GSE1: variants seen among roughly 807,000 people sequenced by gnomAD.
GSE1 encodes the protein Gse1 coiled-coil protein, also known as genetic suppressor element 1.
GSE1 carries 32 observed loss-of-function variants against 112.6 expected under a neutral mutation model. The observed-to-expected ratio is 0.28, with a 90% confidence interval of 0.21 to 0.38. GSE1 has a LOEUF of 0.38. Ranked by LOEUF, GSE1 falls within the 10% of genes least tolerant of loss-of-function variation. The pLI is 1.00. For missense variants in GSE1, 2,348 were observed against 1,699.2 expected (o/e 1.38, Z -6.71); for synonymous variants, 1,115 against 735.6 (o/e 1.52, Z -8.35).
chr16:85,574,669 C>T (rs1009921381), intron 1 of GSE1, among the ~76,000 whole-genome samples: 1 of 152,260 alleles, frequency 6.6e-6, no homozygotes, highest in African/African-American at 2.4e-5. Context: ...CCCAAGAAGG[C>T]GCTGGTGTGG....
intron 14 of GSE1, chr16:85,670,508 C>G (rs2053243771): frequency 6.6e-6 from 1 of 152,044 alleles, no homozygotes; most frequent in Admixed American, 6.6e-5. Context: ...GAGCACTTTC[C>G]CTGTTTTTCA....
intron 1 of GSE1, among the ~76,000 whole-genome samples, chr16:85,277,682 T>C (rs9936832): frequency 0.87 from 133,018 of 152,224 alleles, 59,111 homozygotes; most frequent in Middle Eastern, 0.97. Flanking sequence ...GGGTATGTGG[T>C]GGTCTGCTGG....
intron 2 of GSE1, among the ~76,000 whole-genome samples, chr16:85,424,944 TC>T (rs1262756035): frequency 2.6e-5 from 4 of 152,250 alleles, no homozygotes; most frequent in East Asian, 1.9e-4. Flanking sequence ...TGTCAGGGCC[TC>T]TTCGGGTTGC....
chr16:85,581,617 T>C (rs191063009), intron 1 of GSE1, among the ~76,000 whole-genome samples: 47 of 152,286 alleles, frequency 3.1e-4, no homozygotes, highest in Admixed American at 2.0e-3. Flanking sequence ...TCTCTGTGCA[T>C]GCGCATGTGC....
intron 1 of GSE1, among the ~76,000 whole-genome samples, chr16:85,268,486 G>T (rs999910150): frequency 2.0e-5 from 3 of 152,182 alleles, no homozygotes; most frequent in Non-Finnish European, 4.4e-5. Context: ...TTCTATGAGT[G>T]GGGAGGGGGG....
upstream of GSE1, among the ~76,000 whole-genome samples, chr16:85,552,794 C>A (rs1344053977): frequency 2.6e-5 from 4 of 152,220 alleles, no homozygotes; most frequent in African/African-American, 9.6e-5. Context: ...AGGGGGGCAC[C>A]CAGCAGATTG....
chr16:85,355,257 A>G (rs905107725), intron 1 of GSE1, among the ~76,000 whole-genome samples: 4 of 152,266 alleles, frequency 2.6e-5, no homozygotes, highest in African/African-American at 9.6e-5. Flanking sequence ...ATCAACAGAA[A>G]GTTGCTTTTC....
At chr16:85,333,945 C>T (rs369902588) in intron 1 of GSE1, among the ~76,000 whole-genome samples, 2 of 152,190 alleles carry the variant, frequency 1.3e-5, no homozygotes, top group East Asian at 1.9e-4. Context: ...TGCTGAGCTA[C>T]GCCTTTGGCC....
chr16:85,564,374 A>G (rs2045649722), intron 1 of GSE1, among the ~76,000 whole-genome samples: 1 of 152,178 alleles, frequency 6.6e-6, no homozygotes, highest in South Asian at 2.1e-4. Context: ...ATCCCTGCCC[A>G]CGTTGTGGTG....
rs1373226351 is a variant in GSE1, at chr16:85,171,298, A to G, written c.1774A>G (p.Ile592Val). Reference sequence around the variant, plus strand: ...GTCGGCCCAGGGCGGCCCCGTGTCCATCTGCTACATCTGTGGGGCTGAGCT... The same window carrying G: ...GTCGGCCCAGGGCGGCCCCGTGTCCGTCTGCTACATCTGTGGGGCTGAGCT... Residue 592 changes from isoleucine (I) to valine (V), a missense_variant, in exon 1 of 3, where the codon ATC becomes GTC. Transcript: ENST00000637419. The G allele has an allele frequency of 3.0e-6, 3 of 985,384 alleles. 1 individual carries two copies. The African/African-American group carries it at 5.2e-5, about 17-fold the overall frequency. The allele number at this position is 985,384 out of a possible 1,614,324, so 61.0% of individuals were successfully genotyped here.
chr16:85,567,170 G>T (rs1195112653), intron 1 of GSE1, among the ~76,000 whole-genome samples: 18 of 152,044 alleles, frequency 1.2e-4, no homozygotes. Flanking sequence ...CGGCCTGTCG[G>T]TGGGCAGGTC....
intron 2 of GSE1, among the ~76,000 whole-genome samples, chr16:85,442,996 C>T (rs1391782599): frequency 6.6e-6 from 1 of 152,240 alleles, no homozygotes; most frequent in Admixed American, 6.5e-5. Context: ...CCCATGGCGT[C>T]CTCCCTGTGA....
intron 3 of GSE1, among the ~76,000 whole-genome samples, chr16:85,650,093 C>T (rs2051207944): frequency 6.6e-6 from 1 of 152,192 alleles, no homozygotes; most frequent in African/African-American, 2.4e-5. Flanking sequence ...GCCCCTGAAG[C>T]CTCTCGTAGT....
chr16:85,463,326 T>A (rs1332304305), intron 2 of GSE1, among the ~76,000 whole-genome samples: 1 of 152,184 alleles, frequency 6.6e-6, no homozygotes, highest in Admixed American at 6.5e-5. Context: ...AAGCCCTGGG[T>A]TGGTTTCCTC....
chr16:85,620,572 C>G (rs2048665732), intron 1 of GSE1, among the ~76,000 whole-genome samples: 1 of 152,256 alleles, frequency 6.6e-6, no homozygotes, highest in South Asian at 2.1e-4. Flanking sequence ...GGCTGCCGAT[C>G]CACGCGGTCG....
At chr16:85,384,532 A>G (rs1198323974) in intron 2 of GSE1, among the ~76,000 whole-genome samples, 1 of 152,216 alleles carries the variant, frequency 6.6e-6, no homozygotes, top group African/African-American at 2.4e-5. Flanking sequence ...GCCTGTACAC[A>G]TGGTGCCGAC....
intron 1 of GSE1, among the ~76,000 whole-genome samples, chr16:85,213,523 T>C (rs2075261103): frequency 6.6e-6 from 1 of 152,218 alleles, no homozygotes. Flanking sequence ...CTGTGTACTT[T>C]GTCATTGCCA....
intron 1 of GSE1, among the ~76,000 whole-genome samples, chr16:85,188,997 A>G (rs1469328002): frequency 6.6e-6 from 1 of 152,214 alleles, no homozygotes; most frequent in African/African-American, 2.4e-5. Flanking sequence ...TGTGACTCCC[A>G]GAATGTAAAC....
intron 1 of GSE1, among the ~76,000 whole-genome samples, chr16:85,335,835 T>A (rs1225415746): frequency 6.9e-6 from 1 of 143,890 alleles, no homozygotes; most frequent in East Asian, 2.1e-4. Context: ...CCGGGCGCGC[T>A]GGGAGCAGGG....
Sources: allele counts gnomAD v4.1 joint callset (sites outside exome capture counted in the v4.1 genomes callset), GRCh38; gene constraint gnomAD v4.1.1; transcripts MANE v1.5; gene names NCBI Gene and HGNC (gene_info 2026-07-23, HGNC 2026-07-21).